YEATS2: variants seen among roughly 807,000 people sequenced by gnomAD.
YEATS2 encodes YEATS domain-containing protein 2.
In YEATS2, 77 loss-of-function variants were observed where a neutral mutation model predicts 163.2. The ratio of observed to expected loss-of-function variants is 0.47; its 90% CI spans 0.39 to 0.57. The LOEUF is 0.57. YEATS2 is among the 20% of genes least tolerant of loss of function. The pLI is 0.00. For synonymous variants in YEATS2, 631 were observed against 645.1 expected, an observed-to-expected ratio of 0.98 and a Z score of 0.33; for missense variants, 1,549 against 1,729.8, an observed-to-expected ratio of 0.90 and a Z score of 1.85.
intron 1 of YEATS2, among the ~76,000 whole-genome samples, chr3:183,701,175 G>A (rs1355426313): frequency 6.6e-6 from 1 of 151,100 alleles, no homozygotes; most frequent in Non-Finnish European, 1.5e-5. Context: ...TCTGCCTCCC[G>A]GGTTCACGCC....
intron 1 of YEATS2, among the ~76,000 whole-genome samples, chr3:183,709,223 A>G (rs1227123297): frequency 6.6e-6 from 1 of 152,072 alleles, no homozygotes; most frequent in Non-Finnish European, 1.5e-5. Flanking sequence ...AGACTTGGTT[A>G]TGTTATTTGA....
intron 16 of YEATS2, 123 bp from the exon 17 acceptor site, chr3:183,773,510 C>A: frequency 2.0e-6 from 2 of 986,184 alleles, no homozygotes; most frequent in Non-Finnish European, 2.9e-6. Flanking sequence ...ATCTGGGAAA[C>A]AAACTTTGAA....
At chr3:183,724,776 C>G (rs1716891095) in intron 6 of YEATS2, among the ~76,000 whole-genome samples, 1 of 152,154 alleles carries the variant, frequency 6.6e-6, no homozygotes, top group South Asian at 2.1e-4. Context: ...GAGTTTCGCT[C>G]TTGTTGTCCA....
At chr3:183,718,464 C>G in intron 3 of YEATS2, 36 bp from the exon 4 acceptor site, 1 of 1,529,152 alleles carries the variant, frequency 6.5e-7, no homozygotes, top group Non-Finnish European at 8.9e-7. Context: ...TTATAATTGC[C>G]GTTTTTTAAA....
chr3:183,743,988 C>G (rs758676630), intron 8 of YEATS2, among the ~76,000 whole-genome samples: 3 of 151,738 alleles, frequency 2.0e-5, no homozygotes, highest in Non-Finnish European at 4.4e-5. Context: ...TACCATAAGA[C>G]TAGGTTGCCT....
At chr3:183,745,384 G>T (rs1027898316) in intron 8 of YEATS2, among the ~76,000 whole-genome samples, 4 of 152,044 alleles carry the variant, frequency 2.6e-5, no homozygotes, top group Admixed American at 2.6e-4. Context: ...AGATTGTCTC[G>T]CACAAATCCC....
chr3:183,800,622 T>C (rs1263797877), intron 24 of YEATS2, 54 bp downstream of exon 24: 20 of 1,392,150 alleles, frequency 1.4e-5, no homozygotes, highest in Non-Finnish European at 1.9e-5. Context: ...TTGTCACGCC[T>C]GTGACAGCTG....
chr3:183,760,917 C>G (rs916231909), intron 13 of YEATS2, among the ~76,000 whole-genome samples: 1 of 152,028 alleles, frequency 6.6e-6, no homozygotes, highest in Non-Finnish European at 1.5e-5. Context: ...CGGGGAAGAC[C>G]AATAAAGTCA....
chr3:183,811,318 C>T lies in YEATS2; in HGVS notation c.*735C>T, dbSNP rs1726775694. On this transcript the variant is annotated 3_prime_UTR_variant, in exon 31 of 31. Transcript: ENST00000305135. ...TAGGAATAGACTGTGTGCACCAGTC[C>T]CAGACACTTGGCAGAAGTGTAGCAG... The T allele has an allele frequency of 6.6e-6, 1 of 152,510 alleles. No homozygotes were observed. The highest frequency in any genetic ancestry group is 6.5e-5 in the Admixed American group (1 of 15,272). 9.4% of individuals were successfully genotyped at this position (152,510 alleles called of 1,614,324 possible). A position where few individuals can be genotyped will look rare whatever the true frequency, so the allele number is the denominator to read the frequency against.
intron 8 of YEATS2, among the ~76,000 whole-genome samples, chr3:183,741,355 C>G (rs1282263659): frequency 6.6e-6 from 1 of 152,124 alleles, no homozygotes; most frequent in African/African-American, 2.4e-5. Flanking sequence ...ACAAAAAAGC[C>G]TGGGTGACAA....
Position 183,801,512 on chromosome 3 carries a change from A to G in YEATS2, c.3486A>G (p.Pro1162=). 1 of 1,610,654 alleles carries G rather than the reference A, an allele frequency of 6.2e-7. No individual in the cohort carries two copies. Among genetic ancestry groups the G allele is most frequent in the Middle Eastern group, 1.7e-4 (1 of 6,058 alleles). The change falls in exon 25 of 31, where the codon CCA becomes CCG. Residue 1162 remains proline, a synonymous_variant. Coordinates refer to ENST00000305135, the MANE Select transcript of YEATS2 (RefSeq NM_018023.5). ...QLLTAVVKKI[P]LITAKSEDAS... is the part of the protein sequence containing the mutation. ...TAACTGCAGTAGTAAAGAAGATTCC[A>G]TTAATCACTGCAAAAAGTAAGACAA...
intron 28 of YEATS2, 134 bp downstream of exon 28, chr3:183,807,226 C>T (rs1008111109): frequency 3.8e-6 from 3 of 795,086 alleles, no homozygotes; most frequent in African/African-American, 1.7e-5. Flanking sequence ...CTTCTGGTGC[C>T]GTAGATGCTT....
intron 21 of YEATS2, among the ~76,000 whole-genome samples, chr3:183,797,620 G>A (rs1187489439): frequency 2.0e-5 from 3 of 152,044 alleles, no homozygotes; most frequent in African/African-American, 7.2e-5. Flanking sequence ...CAGCACTTTG[G>A]GAGGCCGAGG....
At chr3:183,698,286 T>A (rs1264062263) in intron 1 of YEATS2, among the ~76,000 whole-genome samples, 1 of 152,086 alleles carries the variant, frequency 6.6e-6, no homozygotes, top group Non-Finnish European at 1.5e-5. Flanking sequence ...CGGCCGGAGC[T>A]TTTAGGATGT....
At position 183,754,207 on chromosome 3, in the gene YEATS2, T is replaced by G; in HGVS notation, c.1232T>G (p.Met411Arg). Residue 411 changes from methionine to arginine, a missense_variant, in exon 11 of 31, where the codon ATG becomes AGG. Physicochemically the swap from Met to Arg is moderately conservative, Grantham distance 91 (BLOSUM62 -1). Transcript: ENST00000305135. ...PSSLERTPTK[M>R]TTSQKVTFCS... ...TCATTGGAAAGAACACCCACCAAAA[T>G]GACTACATCCCAGAAAGTTACCTTT... 3.1e-6 allele frequency: 5 copies of G among 1,613,916 alleles called. No individual in the cohort carries two copies. The highest frequency in any genetic ancestry group is 4.2e-6 in the Non-Finnish European group (5 of 1,179,860).
At position 183,731,165 on chromosome 3, in the gene YEATS2, G is replaced by C. The variant is rs1017661730; in HGVS notation, c.812+2314G>C. ...AATACAAAAATTAGCTGGGTGTGGT[G>C]GCTCGTGCCTGTAATCCTAGCTACT... On this transcript the variant is annotated intron_variant, in intron 7 of 30. Transcript: ENST00000305135. 2.0e-5 allele frequency among the ~76,000 whole-genome samples: 3 copies of C among 152,144 alleles called. No individual in the cohort carries two copies. In the Middle Eastern group the frequency reaches 0.01, roughly 521 times the overall value.
At chr3:183,804,363 C>T (rs1332605539) in intron 27 of YEATS2, among the ~76,000 whole-genome samples, 175 bp downstream of exon 27, 1 of 152,242 alleles carries the variant, frequency 6.6e-6, no homozygotes, top group Non-Finnish European at 1.5e-5. Flanking sequence ...CCAGGTATCT[C>T]AAGTGTTGTG....
intron 6 of YEATS2, among the ~76,000 whole-genome samples, chr3:183,726,645 T>G (rs1167131684): frequency 6.6e-6 from 1 of 152,240 alleles, no homozygotes; most frequent in Non-Finnish European, 1.5e-5. Context: ...TCTCATGAAG[T>G]TTTATTTGCT....
intron 21 of YEATS2, among the ~76,000 whole-genome samples, chr3:183,792,304 C>A (rs1306402194): frequency 6.6e-6 from 1 of 152,006 alleles, no homozygotes; most frequent in African/African-American, 2.4e-5. Context: ...TTGCCCCGCA[C>A]CCCCCAACAG....
Sources: gnomAD v4.1 joint callset for allele counts (sites outside exome capture counted in the v4.1 genomes callset) on GRCh38, gnomAD v4.1.1 for gene constraint, MANE v1.5 for transcripts, NCBI Gene and HGNC (gene_info 2026-07-23, HGNC 2026-07-21) for gene names.